Variants in TBC1D5 observed in about 807,000 individuals in gnomAD.
TBC1D5 encodes the protein TBC1 domain family, member 5.
Under a neutral mutation model 100.3 loss-of-function variants are expected in TBC1D5, and 75 were observed. That is an observed-to-expected ratio of 0.75 (90% CI 0.62 to 0.91). The LOEUF is 0.91. Among genes scored for constraint, TBC1D5 ranks in the 40% least tolerant of loss-of-function variants. TBC1D5 has a pLI of 0.00. For missense variants in TBC1D5, 910 were observed against 942.4 expected, an observed-to-expected ratio of 0.97 and a Z score of 0.45; for synonymous variants, 323 against 325.6, an observed-to-expected ratio of 0.99 and a Z score of 0.09.
At chr3:17,672,029 C>G (rs1212772621) in intron 1 of TBC1D5, among the ~76,000 whole-genome samples, 1 of 152,164 alleles carries the variant, frequency 6.6e-6, no homozygotes, top group Non-Finnish European at 1.5e-5. Flanking sequence ...TAACATTCGG[C>G]ATTCTATAAG....
exon 22 of TBC1D5, chr3:17,161,150 T>C: frequency 1.2e-6 from 2 of 1,614,196 alleles, no homozygotes; most frequent in Non-Finnish European, 1.7e-6. Flanking sequence ...AGGCTGGGCC[T>C]GGCCGGAGAA....
chr3:17,454,242 T>C (rs1295286917), intron 3 of TBC1D5, among the ~76,000 whole-genome samples: 2 of 152,156 alleles, frequency 1.3e-5, no homozygotes, highest in Non-Finnish European at 2.9e-5. Context: ...ACAACTGATA[T>C]TCAACAGAGT....
chr3:17,385,185 AACGGT>A (rs1176565877), intron 8 of TBC1D5, among the ~76,000 whole-genome samples: 1 of 152,102 alleles, frequency 6.6e-6, no homozygotes, highest in Non-Finnish European at 1.5e-5. Context: ...GAGCACCAAG[AACGGT>A]GCCTAACAAG....
intron 17 of TBC1D5, among the ~76,000 whole-genome samples, chr3:17,228,717 C>A (rs1576130107): frequency 6.7e-6 from 1 of 148,608 alleles, no homozygotes; most frequent in Non-Finnish European, 1.5e-5. Context: ...GTAAGTTGCA[C>A]AAAGTTACTG....
intron 18 of TBC1D5, among the ~76,000 whole-genome samples, chr3:17,196,447 G>A (rs2070697657): frequency 6.6e-6 from 1 of 152,206 alleles, no homozygotes; most frequent in Admixed American, 6.5e-5. Flanking sequence ...TTGGTTTAAG[G>A]GAAGTGAAAC....
chr3:17,288,288 G>A (rs2081365990), intron 15 of TBC1D5, among the ~76,000 whole-genome samples: 1 of 152,166 alleles, frequency 6.6e-6, no homozygotes, highest in South Asian at 2.1e-4. Flanking sequence ...TACTTTTGCA[G>A]CACTGGGTTG....
chr3:17,529,242 C>T (rs770798275), intron 2 of TBC1D5, among the ~76,000 whole-genome samples: 2 of 152,210 alleles, frequency 1.3e-5, no homozygotes, highest in Non-Finnish European at 2.9e-5. Context: ...GCTCTCTGGG[C>T]TCTAACCACA....
chr3:17,161,587 A>G (rs1188953068), intron 21 of TBC1D5, among the ~76,000 whole-genome samples: 2 of 152,282 alleles, frequency 1.3e-5, no homozygotes, highest in African/African-American at 4.8e-5. Context: ...AATAGGTTGC[A>G]GGCAGAATCC....
chr3:17,697,086 G>T (rs1482914812), intron 1 of TBC1D5, among the ~76,000 whole-genome samples: 8 of 152,118 alleles, frequency 5.3e-5, no homozygotes, highest in African/African-American at 1.9e-4. Context: ...AATAAACTAG[G>T]TATTGATGGA....
intron 19 of TBC1D5, chr3:17,184,811 G>C: frequency 5.6e-6 from 1 of 179,098 alleles, no homozygotes; most frequent in South Asian, 1.6e-4. Flanking sequence ...CCACAGTGCT[G>C]GGATTACAGC....
At chr3:17,265,108 G>T (rs2078715313) in intron 15 of TBC1D5, among the ~76,000 whole-genome samples, 2 of 152,146 alleles carry the variant, frequency 1.3e-5, no homozygotes, top group African/African-American at 2.4e-5. Context: ...TATGAAAAAG[G>T]TGTAAAATCA....
chr3:17,395,270 A>G (rs111438816), intron 8 of TBC1D5, among the ~76,000 whole-genome samples: 2 of 152,028 alleles, frequency 1.3e-5, no homozygotes, highest in African/African-American at 4.8e-5. Context: ...CTCCAAAAAC[A>G]TCTTTCTGTT....
At chr3:17,560,477 G>C (rs895609753) in intron 2 of TBC1D5, among the ~76,000 whole-genome samples, 3 of 152,092 alleles carry the variant, frequency 2.0e-5, no homozygotes. Flanking sequence ...AAATTAGCCA[G>C]CCATGGTGGT....
chr3:17,490,939 G>A (rs1323390416), intron 3 of TBC1D5, among the ~76,000 whole-genome samples: 2 of 152,152 alleles, frequency 1.3e-5, no homozygotes, highest in Non-Finnish European at 2.9e-5. Flanking sequence ...TCCTATCCAT[G>A]AGCATAAAAT....
intron 17 of TBC1D5, among the ~76,000 whole-genome samples, chr3:17,217,186 A>G (rs2073750312): frequency 6.6e-6 from 1 of 152,112 alleles, no homozygotes; most frequent in African/African-American, 2.4e-5. Context: ...AAGTTCATCT[A>G]TGTTATAGCA....
In TBC1D5 at chr3:17,528,093, C is replaced by T. The variant is rs536915552; in HGVS notation, c.-35-19488G>A. ...AGGGGTGGCTGAGACAAGGTCTCACCCTGTCGCCCAGGCCAGAGTGCAGTG... is the reference window on the plus strand; with the variant it reads ...AGGGGTGGCTGAGACAAGGTCTCACTCTGTCGCCCAGGCCAGAGTGCAGTG... On this transcript the variant is annotated intron_variant, in intron 2 of 21. Transcript: ENST00000253692. Among the ~76,000 whole-genome samples the T allele has an allele frequency of 2.6e-5, 4 of 152,048 alleles. No individual in the cohort carries two copies. The South Asian group carries it at 8.3e-4, about 32-fold the overall frequency.
At chr3:17,386,628 C>A (rs1431148845) in intron 8 of TBC1D5, among the ~76,000 whole-genome samples, 1 of 152,082 alleles carries the variant, frequency 6.6e-6, no homozygotes. Context: ...CAAACACCAA[C>A]CTGTAACCAA....
intron 4 of TBC1D5, among the ~76,000 whole-genome samples, chr3:17,420,598 T>A (rs1409644329): frequency 6.6e-6 from 1 of 152,222 alleles, no homozygotes; most frequent in African/African-American, 2.4e-5. Context: ...TTTTCTCAAA[T>A]TTTTAAGTCT....
intron 13 of TBC1D5, among the ~76,000 whole-genome samples, chr3:17,354,934 T>A (rs1001455567): frequency 6.6e-6 from 1 of 151,864 alleles, no homozygotes; most frequent in Non-Finnish European, 1.5e-5. Flanking sequence ...GAATAGAAAT[T>A]TGTTGTTGTC....
Sources: gnomAD v4.1 joint callset for allele counts (sites outside exome capture counted in the v4.1 genomes callset) on GRCh38, gnomAD v4.1.1 for gene constraint, MANE v1.5 for transcripts, NCBI Gene and HGNC (gene_info 2026-07-23, HGNC 2026-07-21) for gene names.